TSG101: variants seen among roughly 807,000 people sequenced by gnomAD.
TSG101 encodes the protein tumor susceptibility 101.
A neutral mutation model predicts 48.5 loss-of-function variants in TSG101; 19 were observed. The observed-to-expected ratio is 0.39, with a 90% CI of 0.27 to 0.58. The LOEUF is 0.58. Among genes scored for constraint, TSG101 ranks in the 20% least tolerant of loss-of-function variants. The pLI is 0.55. For synonymous variants in TSG101, 174 were observed against 169.4 expected (o/e 1.03, Z -0.21); for missense variants, 365 against 484.4 (o/e 0.75, Z 2.31).
At chr11:18,512,724 T>TA (rs1491496048) in intron 4 of TSG101, among the ~76,000 whole-genome samples, 1 of 39,124 alleles carries the variant, frequency 2.6e-5, no homozygotes, top group African/African-American at 9.8e-5. Flanking sequence ...GACAGACAGA[T>TA]TTTTTTTTTT....
chr11:18,486,107 TGGGTAGGGG>T (rs1257822442), intron 7 of TSG101, among the ~76,000 whole-genome samples: 2 of 152,212 alleles, frequency 1.3e-5, no homozygotes, highest in African/African-American at 4.8e-5. Flanking sequence ...TTCCCACCTT[TGGGTAGGGG>T]AACCACCCCT....
chr11:18,485,520 TGGTTA>T (rs1849607316), intron 7 of TSG101, among the ~76,000 whole-genome samples: 1 of 152,198 alleles, frequency 6.6e-6, no homozygotes, highest in Admixed American at 6.5e-5. Context: ...AGGCCTCAGA[TGGTTA>T]GAAGTCCTTA....
At chr11:18,495,020 A>G in intron 7 of TSG101, among the ~76,000 whole-genome samples, 1 of 152,184 alleles carries the variant, frequency 6.6e-6, no homozygotes, top group East Asian at 1.9e-4. Context: ...CAGCTGCAGC[A>G]TTTTCAGGGT....
chr11:18,521,981 T>C (rs1850286417), intron 1 of TSG101, among the ~76,000 whole-genome samples: 1 of 152,140 alleles, frequency 6.6e-6, no homozygotes. Context: ...CCCAGCTCCC[T>C]TTCTCTTAAA....
At chr11:18,499,402 ATT>A (rs1160424288) in intron 7 of TSG101, among the ~76,000 whole-genome samples, 9 of 5,458 alleles carry the variant, frequency 1.6e-3, no homozygotes, top group South Asian at 0.011. Context: ...ATATATATAT[ATT>A]TTTTTTTTTT....
At chr11:18,517,784 C>T (rs929290914) in intron 2 of TSG101, among the ~76,000 whole-genome samples, 1 of 152,128 alleles carries the variant, frequency 6.6e-6, no homozygotes, top group Admixed American at 6.5e-5. Context: ...TTTCTCAGAC[C>T]ATATCTCTAT....
At chr11:18,516,347 CTCT>C (rs1024845277) in intron 2 of TSG101, among the ~76,000 whole-genome samples, 183 bp from the exon 3 acceptor site, 9 of 150,924 alleles carry the variant, frequency 6.0e-5, no homozygotes, top group African/African-American at 1.2e-4. Context: ...CATTGATCAG[CTCT>C]TTTTTGTTTT....
intron 1 of TSG101, among the ~76,000 whole-genome samples, chr11:18,522,195 A>C (rs1368403632): frequency 2.0e-5 from 3 of 152,214 alleles, no homozygotes; most frequent in African/African-American, 2.4e-5. Flanking sequence ...TGAAACCCTT[A>C]AATTAAAATT....
At chr11:18,503,869 A>C (rs948130065) in intron 6 of TSG101, among the ~76,000 whole-genome samples, 1 of 152,100 alleles carries the variant, frequency 6.6e-6, no homozygotes, top group African/African-American at 2.4e-5. Context: ...CAATTCTATG[A>C]CATTTGCCTT....
intron 6 of TSG101, among the ~76,000 whole-genome samples, chr11:18,505,401 T>A (rs1466487966): frequency 6.6e-6 from 1 of 151,980 alleles, no homozygotes; most frequent in Non-Finnish European, 1.5e-5. Context: ...GACTACAGGT[T>A]CACACCACCA....
At chr11:18,524,894 T>C (rs1379074902) in intron 1 of TSG101, among the ~76,000 whole-genome samples, 2 of 151,662 alleles carry the variant, frequency 1.3e-5, no homozygotes, top group Admixed American at 6.6e-5. Context: ...TGAATATACA[T>C]ACATTAAGGA....
At chr11:18,483,023 TGTGC>T (rs1849565709) in intron 8 of TSG101, among the ~76,000 whole-genome samples, 1 of 141,666 alleles carries the variant, frequency 7.1e-6, no homozygotes, top group Non-Finnish European at 1.5e-5. Flanking sequence ...AAGGGACCTG[TGTGC>T]GTGTGTGTGT....
chr11:18,513,549 C>G (rs1232226353), intron 4 of TSG101, among the ~76,000 whole-genome samples: 1 of 152,154 alleles, frequency 6.6e-6, no homozygotes, highest in East Asian at 1.9e-4. Flanking sequence ...ATCCTCCTGC[C>G]TCAGCTTTCC....
At chr11:18,509,247 G>C (rs1850029126) in intron 5 of TSG101, among the ~76,000 whole-genome samples, 1 of 152,168 alleles carries the variant, frequency 6.6e-6, no homozygotes, top group Non-Finnish European at 1.5e-5. Flanking sequence ...GATCAAATAA[G>C]GCTATTCTGC....
At chr11:18,481,175 G>C (rs1403613557) in intron 9 of TSG101, among the ~76,000 whole-genome samples, 1 of 152,208 alleles carries the variant, frequency 6.6e-6, no homozygotes, top group African/African-American at 2.4e-5. Context: ...TTAAGCTTGA[G>C]ACAACTTTCA....
intron 1 of TSG101, among the ~76,000 whole-genome samples, chr11:18,520,526 T>G (rs1240706215): frequency 4.6e-5 from 7 of 152,208 alleles, no homozygotes; most frequent in Non-Finnish European, 8.8e-5. Flanking sequence ...CACTTCTTAC[T>G]GAACATTTTA....
chr11:18,482,020 G>T, intron 8 of TSG101, 151 bp from the exon 9 acceptor site: 1 of 1,124,382 alleles, frequency 8.9e-7, no homozygotes, highest in Non-Finnish European at 1.2e-6. Context: ...CTGGTCAAAG[G>T]TAGAGGAAAA....
chr11:18,499,214 A>ATATAAATTTATATATGATATATAAT (rs1565087070), intron 7 of TSG101, among the ~76,000 whole-genome samples: 1 of 132,866 alleles, frequency 7.5e-6, no homozygotes, highest in Non-Finnish European at 1.6e-5. Flanking sequence ...TATATAAAAT[A>ATATAAATTTATATATGATATATAAT]TATATATTTA....
intron 7 of TSG101, among the ~76,000 whole-genome samples, chr11:18,498,922 AG>A (rs1017718316): frequency 6.6e-5 from 10 of 152,138 alleles, no homozygotes; most frequent in Admixed American, 2.0e-4. Flanking sequence ...TGTATCAAGG[AG>A]GAAGTAACCA....
Sources: allele counts gnomAD v4.1 joint callset (sites outside exome capture counted in the v4.1 genomes callset), GRCh38; gene constraint gnomAD v4.1.1; transcripts MANE v1.5; gene names NCBI Gene and HGNC (gene_info 2026-07-23, HGNC 2026-07-21).